IGF1R: variants seen among roughly 807,000 people sequenced by gnomAD.
IGF1R encodes insulin like growth factor 1 receptor, also known as insulin-like growth factor 1 receptor.
In IGF1R, 44 loss-of-function variants were observed where a neutral mutation model predicts 144.6. The ratio of observed to expected loss-of-function variants is 0.30; its 90% confidence interval spans 0.24 to 0.39. The LOEUF (loss-of-function observed/expected upper bound fraction) is 0.39. Ranked by LOEUF, IGF1R falls within the 10% of genes least tolerant of loss-of-function variation. The probability of loss-of-function intolerance (pLI) is 1.00; values close to 1 mark genes in which losing one functional copy is unlikely to be tolerated. For synonymous variants in IGF1R, 795 were observed against 722.8 expected (o/e 1.10, Z -1.60); for missense variants, 1,355 against 1,833.7 (o/e 0.74, Z 4.77).
Position 98,922,439 on chromosome 15 carries a change from A to T in IGF1R, c.2485+8A>T, listed in dbSNP as rs1298348390. On this transcript the variant is annotated splice_region_variant and intron_variant, in intron 11 of 20. Coordinates refer to ENST00000650285, the MANE Select transcript of IGF1R (RefSeq NM_000875.5). ...CAAGGACTATGCCCGCAGGTATGGT[A>T]TGATCCAGCTGGCCCCATTGCCACC... The T allele has an allele frequency of 1.2e-6, 2 of 1,607,200 alleles. No homozygotes were observed. Among genetic ancestry groups the T allele is most frequent in the Middle Eastern group, 1.9e-4 (1 of 5,300 alleles).
intron 2 of IGF1R, among the ~76,000 whole-genome samples, chr15:98,782,386 T>C (rs1034992486): frequency 6.6e-6 from 1 of 152,206 alleles, no homozygotes; most frequent in Non-Finnish European, 1.5e-5. Context: ...AAATACATTT[T>C]AAATGTCACC....
At position 98,649,372 on chromosome 15, in the gene IGF1R, GGCCGCCCCGC is replaced by G. The variant is rs2052281562; in HGVS notation, c.-202_-193del. On this transcript the variant is annotated 5_prime_UTR_variant, in exon 1 of 21. Transcript: ENST00000650285. ...TGGGCCGCTGCTGCCGGCGCTGAGG[GGCCGCCCCGC>G]GCCGCCCGCCCCGTCCGCGCACCCG... 3 of 265,100 alleles carry G rather than the reference GGCCGCCCCGC, an allele frequency of 1.1e-5. No individual in the cohort carries two copies. Among genetic ancestry groups the G allele is most frequent in the African/African-American group, 2.2e-5 (1 of 44,752 alleles). 16.4% of individuals were successfully genotyped at this position (265,100 alleles called of 1,614,324 possible).
At chr15:98,806,129 G>A (rs1383247187) in intron 2 of IGF1R, among the ~76,000 whole-genome samples, 1 of 152,166 alleles carries the variant, frequency 6.6e-6, no homozygotes, top group Non-Finnish European at 1.5e-5. Flanking sequence ...AATTAGAACG[G>A]CCTCACTCAC....
chr15:98,916,948 C>G, intron 10 of IGF1R, 72 bp downstream of exon 10: 2 of 1,317,402 alleles, frequency 1.5e-6, no homozygotes, highest in Non-Finnish European at 2.2e-6. Flanking sequence ...TTTCTCCCCA[C>G]CAGGTAGTGT....
At chr15:98,653,357 C>G (rs545546009) in intron 1 of IGF1R, among the ~76,000 whole-genome samples, 14 of 152,280 alleles carry the variant, frequency 9.2e-5, no homozygotes, top group African/African-American at 3.4e-4. Context: ...CAAAGAAAGA[C>G]ATTGCTGTTT....
intron 2 of IGF1R, among the ~76,000 whole-genome samples, chr15:98,825,680 T>G (rs1567148105): frequency 6.6e-6 from 1 of 152,224 alleles, no homozygotes; most frequent in Non-Finnish European, 1.5e-5. Context: ...CGATCCCTGG[T>G]GCCAAAAAGG....
chr15:98,927,885 C>T (rs1212733079), intron 13 of IGF1R, among the ~76,000 whole-genome samples: 17 of 152,192 alleles, frequency 1.1e-4, no homozygotes, highest in Admixed American at 1.1e-3. Context: ...CCCATTTCCA[C>T]ATAGACATCT....
chr15:98,768,554 G>T (rs2055495074), intron 2 of IGF1R, among the ~76,000 whole-genome samples: 1 of 150,112 alleles, frequency 6.7e-6, no homozygotes, highest in Non-Finnish European at 1.5e-5. Context: ...GTTGGAGGTT[G>T]CAGGGAGCCG....
intron 2 of IGF1R, among the ~76,000 whole-genome samples, chr15:98,842,300 A>G (rs1164525621): frequency 1.3e-5 from 2 of 152,150 alleles, no homozygotes; most frequent in African/African-American, 4.8e-5. Context: ...ATTAAAACTG[A>G]TTTAACTCTG....
intron 1 of IGF1R, among the ~76,000 whole-genome samples, chr15:98,673,741 A>G (rs866631339): frequency 1.3e-5 from 2 of 152,232 alleles, no homozygotes; most frequent in Non-Finnish European, 2.9e-5. Flanking sequence ...CTGAATGAGC[A>G]GATGGGCATC....
chr15:98,831,491 G>C (rs1336384596), intron 2 of IGF1R, among the ~76,000 whole-genome samples: 1 of 152,182 alleles, frequency 6.6e-6, no homozygotes, highest in African/African-American at 2.4e-5. Context: ...TGATGACTCT[G>C]GTTCTCTTCT....
chr15:98,885,601 C>T (rs1467946036), intron 2 of IGF1R, among the ~76,000 whole-genome samples: 1 of 150,590 alleles, frequency 6.6e-6, no homozygotes, highest in African/African-American at 2.5e-5. Context: ...TTATATGGAA[C>T]AGTGGTGTGT....
chr15:98,789,857 G>A (rs1294682142), intron 2 of IGF1R, among the ~76,000 whole-genome samples: 1 of 152,160 alleles, frequency 6.6e-6, no homozygotes, highest in African/African-American at 2.4e-5. Context: ...GGAGGAAGAA[G>A]TCAGAGAGGC....
chr15:98,837,732 CTTA>C (rs2011112837), intron 2 of IGF1R, among the ~76,000 whole-genome samples: 2 of 152,266 alleles, frequency 1.3e-5, no homozygotes, highest in East Asian at 1.9e-4. Flanking sequence ...AATTTTCTAT[CTTA>C]TTGTCATTTA....
intron 2 of IGF1R, among the ~76,000 whole-genome samples, chr15:98,874,850 G>A (rs2012973339): frequency 6.6e-6 from 1 of 152,196 alleles, no homozygotes; most frequent in Non-Finnish European, 1.5e-5. Flanking sequence ...CAGGTCCTCT[G>A]GGTGATTGGG....
At chr15:98,683,742 CTTTTT>C (rs1014194701) in intron 1 of IGF1R, among the ~76,000 whole-genome samples, 22 of 151,970 alleles carry the variant, frequency 1.4e-4, no homozygotes, top group African/African-American at 5.3e-4. Flanking sequence ...TTTGTTTTTT[CTTTTT>C]TAAGTTGGGA....
rs2013912908 is a variant in IGF1R at position 98,891,480 on chromosome 15, C to T, written c.796C>T (p.Pro266Ser). The T allele has an allele frequency of 6.2e-7, 1 of 1,613,996 alleles. No homozygotes were observed. The highest frequency in any genetic ancestry group is 1.7e-5 in the Admixed American group (1 of 60,008). Reference sequence around the variant, plus strand: ...CGGTGTCTGTGTGCCTGCCTGCCCGCCCAACACCTACAGGTTTGAGGGCTG... The same window carrying T: ...CGGTGTCTGTGTGCCTGCCTGCCCGTCCAACACCTACAGGTTTGAGGGCTG... ...YAGVCVPACP[P>S]NTYRFEGWRC... The change falls in exon 3 of 21, where the codon CCC becomes TCC. Residue 266 changes from proline (P) to serine (S), a missense_variant. Pro to Ser is a moderately conservative substitution (Grantham distance 74). This residue lies in a region of IGF1R where 880 missense variants were observed against 1,202.7 expected (regional missense o/e 0.73). Transcript: ENST00000650285. The surrounding 1 kb of genome is among the most constrained non-coding windows in gnomAD (Gnocchi z 4.7).
At chr15:98,661,952 G>A (rs1459209962) in intron 1 of IGF1R, among the ~76,000 whole-genome samples, 2 of 126,182 alleles carry the variant, frequency 1.6e-5, no homozygotes. Flanking sequence ...AGTTGAATAG[G>A]GCCCTTTTTT....
At chr15:98,886,648 G>T (rs1341852170) in intron 2 of IGF1R, among the ~76,000 whole-genome samples, 1 of 152,144 alleles carries the variant, frequency 6.6e-6, no homozygotes, top group Non-Finnish European at 1.5e-5. Context: ...TGGAAATTTG[G>T]TAGTACTAGG....
Sources: gnomAD v4.1 joint callset for allele counts (sites outside exome capture counted in the v4.1 genomes callset) on GRCh38, gnomAD v4.1.1 for gene constraint, gnomAD v4.1.1 regional missense constraint, Gnocchi (gnomAD v3.1) non-coding constraint, MANE v1.5 for transcripts, NCBI Gene and HGNC (gene_info 2026-07-23, HGNC 2026-07-21) for gene names.